Variants in PDZD2 observed in about 807,000 individuals in gnomAD.
The protein encoded by PDZD2 is PDZ domain containing 2.
Under a neutral mutation model 220.7 loss-of-function variants are expected in PDZD2, and 90 were observed. The observed-to-expected ratio is 0.41, with a 90% CI of 0.34 to 0.49. The LOEUF is 0.49. Ranked by LOEUF, PDZD2 falls within the 20% of genes least tolerant of loss-of-function variation. PDZD2 has a pLI of 0.28. For synonymous variants in PDZD2, 1,375 were observed against 1,450.5 expected, an observed-to-expected ratio of 0.95 and a Z score of 1.18; for missense variants, 3,174 against 3,608.5, an observed-to-expected ratio of 0.88 and a Z score of 3.08.
At chr5:31,728,562 C>T (rs1187097101) in intron 1 of PDZD2, among the ~76,000 whole-genome samples, 2 of 152,140 alleles carry the variant, frequency 1.3e-5, no homozygotes, top group Non-Finnish European at 2.9e-5. Context: ...ATGATAGTGA[C>T]CACATTCGAT....
intron 2 of PDZD2, chr5:31,840,396 TTATATATA>T (rs748170414): frequency 0.051 from 976 of 19,026 alleles, 13 homozygotes; most frequent in South Asian, 0.075. Flanking sequence ...GTCATTTTCA[TTATATATA>T]TATATATATA....
rs138558075 is a variant in PDZD2, at chr5:32,090,069, G to A, written c.6621G>A (p.Ser2207=). 2.0e-5 allele frequency: 33 copies of A among 1,613,446 alleles called. No individual in the cohort carries two copies. Among genetic ancestry groups the A allele is most frequent in the Middle Eastern group, 1.6e-4 (1 of 6,082 alleles). Residue 2207 remains serine, a synonymous_variant, in exon 20 of 25, where the codon TCG becomes TCA. Transcript: ENST00000438447. The surrounding 1 kb of genome is among the most constrained non-coding windows in gnomAD (Gnocchi z 4.3). ...GAAACAGCATTCCAGGGGGCCCCTC[G>A]GGGGAGGACCATCTCTACTTCACCC... ...VPRNSIPGGP[S]GEDHLYFTPR... is the part of the protein sequence containing the mutation.
intron 5 of PDZD2, among the ~76,000 whole-genome samples, chr5:32,003,837 A>T (rs376920209): frequency 6.6e-6 from 1 of 151,916 alleles, no homozygotes; most frequent in Non-Finnish European, 1.5e-5. Context: ...TCAGCCTCCC[A>T]AGTAGCTGGG....
intron 1 of PDZD2, among the ~76,000 whole-genome samples, chr5:31,760,473 G>C (rs1483921139): frequency 6.6e-6 from 1 of 152,172 alleles, no homozygotes; most frequent in African/African-American, 2.4e-5. Flanking sequence ...GAGATCTTTG[G>C]GAGAAAGTGG....
chr5:31,895,419 T>C (rs1160644537), intron 2 of PDZD2, among the ~76,000 whole-genome samples: 1 of 152,176 alleles, frequency 6.6e-6, no homozygotes, highest in Non-Finnish European at 1.5e-5. Context: ...AAGACAGCCA[T>C]CTATGAATGA....
chr5:31,726,332 C>G (rs1322904435), intron 1 of PDZD2, among the ~76,000 whole-genome samples: 2 of 152,210 alleles, frequency 1.3e-5, no homozygotes, highest in East Asian at 3.8e-4. Flanking sequence ...AGTTCAAGAC[C>G]AGCCTGGCCA....
At chr5:31,724,048 G>GCA (rs368832578) in intron 1 of PDZD2, among the ~76,000 whole-genome samples, 12 of 151,818 alleles carry the variant, frequency 7.9e-5, no homozygotes, top group Non-Finnish European at 5.9e-5. Context: ...TTTACACAGT[G>GCA]CACACACACA....
chr5:31,816,544 T>C (rs1755471296), intron 2 of PDZD2, among the ~76,000 whole-genome samples: 1 of 152,142 alleles, frequency 6.6e-6, no homozygotes, highest in Non-Finnish European at 1.5e-5. Flanking sequence ...GTTTCCATAG[T>C]GATATGACTT....
rs947145642 is a variant in PDZD2 at position 31,762,448 on chromosome 5, C to T, written c.-360-36441C>T. On this transcript the variant is annotated intron_variant, in intron 1 of 24. Transcript: ENST00000438447. ...GATTACAGGCATGAGCCACCACGCT[C>T]GCCTACTTTTTGTATTTTTGGTAGA... 3.9e-5 allele frequency among the ~76,000 whole-genome samples: 6 copies of T among 152,136 alleles called. No individual in the cohort carries two copies. The East Asian group carries it at 5.8e-4, about 15-fold the overall frequency.
intron 2 of PDZD2, among the ~76,000 whole-genome samples, chr5:31,939,066 C>A (rs918172106): frequency 2.6e-5 from 4 of 151,978 alleles, no homozygotes; most frequent in African/African-American, 9.7e-5. Context: ...GGGGTGGGGC[C>A]CAGTTTGACA....
At chr5:31,917,064 A>G (rs1288777193) in intron 2 of PDZD2, among the ~76,000 whole-genome samples, 1 of 152,180 alleles carries the variant, frequency 6.6e-6, no homozygotes, top group African/African-American at 2.4e-5. Flanking sequence ...GCCACACAAG[A>G]TGGAGGAAAC....
chr5:31,689,239 T>TTGTGTGTGTGTGTG (rs70955736), intron 1 of PDZD2, among the ~76,000 whole-genome samples: 21 of 140,056 alleles, frequency 1.5e-4, no homozygotes, highest in African/African-American at 4.9e-4. Context: ...TGGCTAATGT[T>TTGTGTGTGTGTGTG]TGTGTGTGTG....
chr5:31,715,575 A>G (rs879763373), intron 1 of PDZD2, among the ~76,000 whole-genome samples: 15 of 152,270 alleles, frequency 9.9e-5, no homozygotes, highest in African/African-American at 2.7e-4. Flanking sequence ...TATGTGGCTC[A>G]GCCACAATGT....
intron 1 of PDZD2, among the ~76,000 whole-genome samples, chr5:31,663,637 G>A (rs189657472): frequency 5.3e-5 from 8 of 152,310 alleles, no homozygotes; most frequent in Admixed American, 3.3e-4. Flanking sequence ...TCTGACTCAC[G>A]GGTGAGATCA....
chr5:31,863,697 A>G (rs1270147585), intron 2 of PDZD2, among the ~76,000 whole-genome samples: 1 of 152,196 alleles, frequency 6.6e-6, no homozygotes, highest in African/African-American at 2.4e-5. Context: ...TTGTCTTAAC[A>G]GTTTCACTTG....
chr5:31,920,949 C>T (rs936409207), intron 2 of PDZD2, among the ~76,000 whole-genome samples: 5 of 152,202 alleles, frequency 3.3e-5, no homozygotes, highest in Admixed American at 2.6e-4. Flanking sequence ...CTTAGTAGCT[C>T]ATTTCTTTTC....
intron 1 of PDZD2, among the ~76,000 whole-genome samples, chr5:31,724,602 C>CAAAAAAA (rs35523154): frequency 3.3e-5 from 2 of 61,014 alleles, no homozygotes; most frequent in Non-Finnish European, 5.9e-5. Flanking sequence ...AATTCCGTCT[C>CAAAAAAA]AAAAAAAAAA....
intron 1 of PDZD2, among the ~76,000 whole-genome samples, chr5:31,764,462 G>A (rs1250391666): frequency 6.6e-6 from 1 of 152,158 alleles, no homozygotes; most frequent in Non-Finnish European, 1.5e-5. Flanking sequence ...AAGAAGTAGG[G>A]CAACCTCGAG....
chr5:31,818,856 C>A (rs1288042714), intron 2 of PDZD2, among the ~76,000 whole-genome samples: 9 of 152,142 alleles, frequency 5.9e-5, no homozygotes, highest in African/African-American at 2.2e-4. Context: ...TGACCATGTG[C>A]CTACAGCTCT....
Sources: gnomAD v4.1 joint callset for allele counts (sites outside exome capture counted in the v4.1 genomes callset) on GRCh38, gnomAD v4.1.1 for gene constraint, Gnocchi (gnomAD v3.1) non-coding constraint, MANE v1.5 for transcripts, NCBI Gene and HGNC (gene_info 2026-07-23, HGNC 2026-07-21) for gene names.